The following ATP8A2 variants were observed in gnomAD, a reference collection of about 807,000 sequenced individuals.
The protein encoded by ATP8A2 is ATPase phospholipid transporting 8A2.
A neutral mutation model predicts 165.6 loss-of-function variants in ATP8A2; 100 were observed. The observed-to-expected ratio is 0.60, with a 90% CI of 0.51 to 0.71. The LOEUF (loss-of-function observed/expected upper bound fraction) is 0.71. ATP8A2 is among the 30% of genes least tolerant of loss of function. The pLI, the probability that ATP8A2 is intolerant of heterozygous loss-of-function variation, is 0.00. For missense variants in ATP8A2, 1,227 were observed against 1,479.5 expected, an observed-to-expected ratio of 0.83 and a Z score of 2.80; for synonymous variants, 543 against 548.8, an observed-to-expected ratio of 0.99 and a Z score of 0.15.
chr13:25,824,049 C>A (rs12867835), intron 27 of ATP8A2, among the ~76,000 whole-genome samples: 26,049 of 152,036 alleles, frequency 0.17, 2,437 homozygotes, highest in Middle Eastern at 0.21. Flanking sequence ...TGGCTCTATG[C>A]AACCTCCACC....
At chr13:25,929,246 G>T (rs944162030) in intron 33 of ATP8A2, among the ~76,000 whole-genome samples, 12 of 152,134 alleles carry the variant, frequency 7.9e-5, no homozygotes, top group Non-Finnish European at 1.6e-4. Flanking sequence ...CGTCCAGCAC[G>T]CAGGCAGAGC....
intron 29 of ATP8A2, 113 bp downstream of exon 29, chr13:25,837,398 A>G (rs554089967): frequency 7.0e-5 from 83 of 1,184,842 alleles, no homozygotes; most frequent in Admixed American, 9.7e-5. Context: ...AGAAGTGCTG[A>G]AAACATGATC....
chr13:25,885,389 A>G (rs1443212680), intron 33 of ATP8A2, among the ~76,000 whole-genome samples: 2 of 152,046 alleles, frequency 1.3e-5, no homozygotes, highest in Non-Finnish European at 2.9e-5. Context: ...CTGGGATTAC[A>G]GGCATGAGCC....
chr13:25,885,746 G>A (rs760810395), intron 33 of ATP8A2, among the ~76,000 whole-genome samples: 4 of 152,192 alleles, frequency 2.6e-5, no homozygotes, highest in African/African-American at 4.8e-5. Flanking sequence ...TCAGAGCAGG[G>A]TATTTGTGGA....
At chr13:25,487,363 G>A (rs887294421) in intron 2 of ATP8A2, among the ~76,000 whole-genome samples, 7 of 152,040 alleles carry the variant, frequency 4.6e-5, no homozygotes, top group African/African-American at 7.3e-5. Flanking sequence ...GGTTCATTTC[G>A]TCTGGGGCAG....
intron 27 of ATP8A2, among the ~76,000 whole-genome samples, chr13:25,794,673 G>A (rs1950459459): frequency 6.6e-6 from 1 of 152,068 alleles, no homozygotes; most frequent in African/African-American, 2.4e-5. Context: ...AATAATTATT[G>A]TATGCAAACT....
chr13:25,859,157 G>A (rs966011024), intron 30 of ATP8A2, among the ~76,000 whole-genome samples: 9 of 151,960 alleles, frequency 5.9e-5, no homozygotes, highest in African/African-American at 1.9e-4. Context: ...ACCCGAGATT[G>A]TACCACTGCA....
At chr13:25,881,211 T>C (rs1952969362) in intron 33 of ATP8A2, among the ~76,000 whole-genome samples, 2 of 152,256 alleles carry the variant, frequency 1.3e-5, no homozygotes, top group South Asian at 4.2e-4. Flanking sequence ...TTGCCAGGGG[T>C]AACTAGCAAA....
Position 25,465,704 on chromosome 13 carries a change from TTTC to T in ATP8A2, c.77-3270_77-3268del, listed in dbSNP as rs1303047117. 9.9e-3 allele frequency among the ~76,000 whole-genome samples: 214 copies of T among 21,628 alleles called. 1 individual carries two copies. Among genetic ancestry groups the T allele is most frequent in the Non-Finnish European group, 0.015 (142 of 9,170 alleles). The allele number at this position is 21,628 out of a possible 152,430, so 14.2% of individuals were successfully genotyped here. ...CTTTCTTTCTTTCTTTCTTTCTTTCTTTCTTTCTTTCTTTCTTTCTTTCTTTCT... is the reference window on the plus strand; with the variant it reads ...CTTTCTTTCTTTCTTTCTTTCTTTCTTTTCTTTCTTTCTTTCTTTCTTTCT... On this transcript the variant is annotated intron_variant, in intron 1 of 36. Coordinates refer to ENST00000381655, the MANE Select transcript of ATP8A2 (RefSeq NM_016529.6).
rs146361010 is a variant in ATP8A2, at chr13:25,490,407, T to A, written c.221+21286T>A. 5.0e-3 allele frequency among the ~76,000 whole-genome samples: 760 copies of A among 152,324 alleles called. 5 individuals are homozygous for A. The highest frequency in any genetic ancestry group is 0.018 in the African/African-American group (737 of 41,584). ...CCGGGGCTCCCATGCCTGAAGCTGC[T>A]GTCCTCCAGGAGCCTCAGATGTGAG... is the stretch of plus-strand genomic sequence containing the variant. On this transcript the variant is annotated intron_variant, in intron 2 of 36. Transcript: ENST00000381655.
chr13:25,809,137 G>A (rs7139703), intron 27 of ATP8A2, among the ~76,000 whole-genome samples: 3,271 of 152,176 alleles, frequency 0.021, 109 homozygotes, highest in African/African-American at 0.075. Context: ...GCTTTTAAAA[G>A]TGAGGTGTCT....
At chr13:25,848,132 C>T (rs529518716) in intron 30 of ATP8A2, among the ~76,000 whole-genome samples, 2 of 152,366 alleles carry the variant, frequency 1.3e-5, no homozygotes, top group South Asian at 2.1e-4. Flanking sequence ...CATGGCCTTG[C>T]CAGGCATGCT....
At chr13:25,408,391 C>A (rs1330766412) in intron 1 of ATP8A2, among the ~76,000 whole-genome samples, 8 of 146,114 alleles carry the variant, frequency 5.5e-5, no homozygotes, top group Non-Finnish European at 4.5e-5. Flanking sequence ...GACTCCGTCT[C>A]AAAAAAAAAA....
chr13:25,833,434 G>T (rs1035197583), intron 28 of ATP8A2, among the ~76,000 whole-genome samples: 2 of 152,056 alleles, frequency 1.3e-5, no homozygotes, highest in Admixed American at 6.6e-5. Context: ...GAACATAAAA[G>T]TAGACTTATT....
intron 27 of ATP8A2, among the ~76,000 whole-genome samples, chr13:25,807,205 T>C (rs1249694973): frequency 2.0e-5 from 3 of 152,068 alleles, no homozygotes; most frequent in Non-Finnish European, 4.4e-5. Flanking sequence ...GTCTAATTTA[T>C]CTGTTTTTTC....
intron 1 of ATP8A2, among the ~76,000 whole-genome samples, chr13:25,377,943 A>AC (rs34930248): frequency 6.6e-5 from 10 of 152,060 alleles, no homozygotes; most frequent in Non-Finnish European, 1.2e-4. Context: ...ACATAGTGAG[A>AC]CCCCATCTCT....
At chr13:25,881,576 A>G (rs1378638858) in intron 33 of ATP8A2, among the ~76,000 whole-genome samples, 2 of 151,996 alleles carry the variant, frequency 1.3e-5, no homozygotes, top group Admixed American at 6.6e-5. Context: ...CGTGTCCTCC[A>G]TGGAGAGAGA....
intron 1 of ATP8A2, among the ~76,000 whole-genome samples, chr13:25,460,025 A>T (rs529957415): frequency 6.6e-6 from 1 of 152,232 alleles, no homozygotes; most frequent in South Asian, 2.1e-4. Flanking sequence ...AATATGGTGA[A>T]ACTCCATCTC....
At chr13:25,875,157 C>T (rs1463286364) in intron 33 of ATP8A2, among the ~76,000 whole-genome samples, 2 of 152,100 alleles carry the variant, frequency 1.3e-5, no homozygotes, top group East Asian at 3.9e-4. Flanking sequence ...CACATGAAAA[C>T]GTTTTAGAGA....
Sources: gnomAD v4.1 joint callset for allele counts (sites outside exome capture counted in the v4.1 genomes callset) on GRCh38, gnomAD v4.1.1 for gene constraint, MANE v1.5 for transcripts, NCBI Gene and HGNC (gene_info 2026-07-23, HGNC 2026-07-21) for gene names.